Variants in KIAA1958 observed in about 807,000 individuals in gnomAD.
The protein encoded by KIAA1958 is uncharacterized protein KIAA1958.
In KIAA1958, 14 loss-of-function variants were observed where a neutral mutation model predicts 47.2. That is an observed-to-expected ratio of 0.30 (90% CI 0.20 to 0.46). The LOEUF is 0.46. Among genes scored for constraint, KIAA1958 ranks in the 20% least tolerant of loss-of-function variants. The pLI is 1.00. For missense variants in KIAA1958, 803 were observed against 909.2 expected, an observed-to-expected ratio of 0.88 and a Z score of 1.50; for synonymous variants, 354 against 353.3, an observed-to-expected ratio of 1.00 and a Z score of -0.02.
Position 112,660,189 on chromosome 9 carries a change from C to T in KIAA1958, c.*120C>T. 1.3e-6 allele frequency: 1 copy of T among 790,772 alleles called. No homozygotes were observed. The highest frequency in any genetic ancestry group is 2.6e-5 in the East Asian group (1 of 39,086). The allele number at this position is 790,772 out of a possible 1,614,324, so 49.0% of individuals were successfully genotyped here. On this transcript the variant is annotated 3_prime_UTR_variant, in exon 4 of 4. Transcript: ENST00000337530. ...GTGACCTCCCGGTCTGGCGGCTCTC[C>T]CCTGGTGTGGCCTGCCCTCCCTTTG...
chr9:112,510,671 A>G (rs576346214), intron 1 of KIAA1958, among the ~76,000 whole-genome samples: 1 of 152,252 alleles, frequency 6.6e-6, no homozygotes, highest in Non-Finnish European at 1.5e-5. Flanking sequence ...CAAATTCTCC[A>G]TGTAGCTAAA....
At chr9:112,590,057 A>G (rs1176859109) in intron 2 of KIAA1958, among the ~76,000 whole-genome samples, 2 of 152,162 alleles carry the variant, frequency 1.3e-5, no homozygotes, top group African/African-American at 4.8e-5. Flanking sequence ...CAGCCCCTGC[A>G]TAGTGTGATG....
intron 1 of KIAA1958, among the ~76,000 whole-genome samples, chr9:112,505,376 G>GTA (rs1834216184): frequency 6.6e-6 from 1 of 152,190 alleles, no homozygotes; most frequent in Non-Finnish European, 1.5e-5. Flanking sequence ...ATAATACTAA[G>GTA]TATATAGCCC....
intron 1 of KIAA1958, among the ~76,000 whole-genome samples, chr9:112,516,888 G>A (rs1325297668): frequency 9.2e-5 from 14 of 152,234 alleles, no homozygotes; most frequent in Admixed American, 1.3e-4. Context: ...AAGATTTATG[G>A]ACAGAAAAAG....
intron 2 of KIAA1958, among the ~76,000 whole-genome samples, chr9:112,578,972 T>C (rs2131178855): frequency 6.6e-6 from 1 of 152,146 alleles, no homozygotes; most frequent in Non-Finnish European, 1.5e-5. Flanking sequence ...TTTTCCCAGT[T>C]CTGTGGTATA....
At position 112,664,518 on chromosome 9, in the gene KIAA1958, CAGATA is replaced by C. The variant is rs1232295195; in HGVS notation, c.*4452_*4456del. 4 of 152,186 alleles carry C rather than the reference CAGATA, an allele frequency of 2.6e-5. No individual in the cohort carries two copies. The highest frequency in any genetic ancestry group is 4.4e-5 in the Non-Finnish European group (3 of 68,040). The allele number at this position is 152,186 out of a possible 1,614,324, so 9.4% of individuals were successfully genotyped here. Reference sequence around the variant, plus strand: ...CTCTACATGATCTCCAATGTAGTCTCAGATAAGGCCCATACATAGTTAAAAGCTGG... The same window carrying C: ...CTCTACATGATCTCCAATGTAGTCTCAGGCCCATACATAGTTAAAAGCTGG... On this transcript the variant is annotated 3_prime_UTR_variant, in exon 4 of 4. Transcript: ENST00000337530.
intron 2 of KIAA1958, among the ~76,000 whole-genome samples, chr9:112,609,462 TTA>T (rs1221275374): frequency 1.3e-5 from 2 of 152,158 alleles, no homozygotes; most frequent in Admixed American, 1.3e-4. Flanking sequence ...TAAGGTGAAG[TTA>T]TGTGACTAGA....
chr9:112,652,711 C>T (rs116710741), intron 3 of KIAA1958, among the ~76,000 whole-genome samples: 1,685 of 152,224 alleles, frequency 0.011, 25 homozygotes, highest in African/African-American at 0.039. Flanking sequence ...CCTCTACCTC[C>T]GGGGTTCAAG....
chr9:112,659,176 A>G (rs1003422628), intron 3 of KIAA1958, 87 bp from the exon 4 acceptor site: 1 of 1,113,588 alleles, frequency 9.0e-7, no homozygotes, highest in Admixed American at 2.0e-5. Flanking sequence ...AATGTCCTCA[A>G]CACAGCCCCT....
chr9:112,604,734 TC>T (rs1215238205), intron 2 of KIAA1958, among the ~76,000 whole-genome samples: 17 of 152,132 alleles, frequency 1.1e-4, no homozygotes, highest in South Asian at 1.0e-3. Context: ...GTTCTCCCCT[TC>T]TTATCATACT....
At chr9:112,645,978 G>C (rs572662468) in intron 3 of KIAA1958, among the ~76,000 whole-genome samples, 156 bp downstream of exon 3, 1 of 152,062 alleles carries the variant, frequency 6.6e-6, no homozygotes, top group Non-Finnish European at 1.5e-5. Flanking sequence ...ACACAAAGCA[G>C]AATTTAACAA....
chr9:112,546,519 C>T (rs1009443215), intron 1 of KIAA1958, among the ~76,000 whole-genome samples: 1 of 151,998 alleles, frequency 6.6e-6, no homozygotes, highest in African/African-American at 2.4e-5. Flanking sequence ...CTCTGTTGCC[C>T]AGGCTGGAGT....
At position 112,645,528 on chromosome 9, in the gene KIAA1958, A is replaced by G. The variant is rs568317209; in HGVS notation, c.1172-122A>G. 2.6e-5 allele frequency: 17 copies of G among 642,886 alleles called. No homozygotes were observed. In the South Asian group the frequency reaches 2.9e-4, roughly 11 times the overall value. 39.8% of individuals were successfully genotyped at this position (642,886 alleles called of 1,614,324 possible). A position where few individuals can be genotyped will look rare whatever the true frequency, so the allele number is the denominator to read the frequency against. ...GATATAGATATACATATACTTTAATAGACATTTCATGTTTTAAAGTGTTGT... is the reference window on the plus strand; with the variant it reads ...GATATAGATATACATATACTTTAATGGACATTTCATGTTTTAAAGTGTTGT... On this transcript the variant is annotated intron_variant, in intron 2 of 3. Coordinates refer to ENST00000337530, the MANE Select transcript of KIAA1958 (RefSeq NM_133465.4).
At position 112,618,417 on chromosome 9, in the gene KIAA1958, G is replaced by A. The variant is rs1469300646; in HGVS notation, c.1172-27233G>A. The A allele has an allele frequency of 5.2e-6, 8 of 1,551,076 alleles. No homozygotes were observed. Among genetic ancestry groups the A allele is most frequent in the African/African-American group, 2.7e-5 (2 of 73,024 alleles). ...TTAAAATGGGGTGATATCCGGCTCC[G>A]GGTAACAGAGACGGGTCTCGAGTAC... is the stretch of plus-strand genomic sequence containing the variant. On this transcript the variant is annotated intron_variant, in intron 2 of 3. Coordinates refer to ENST00000337530, the MANE Select transcript of KIAA1958 (RefSeq NM_133465.4). The surrounding 1 kb of genome is among the most constrained non-coding windows in gnomAD (Gnocchi z 7.1).
At chr9:112,659,019 CAAAAAAAAA>C (rs560013892) in intron 3 of KIAA1958, among the ~76,000 whole-genome samples, 4 of 57,762 alleles carry the variant, frequency 6.9e-5, no homozygotes, top group Admixed American at 2.1e-4. Context: ...GACTCTGACT[CAAAAAAAAA>C]AAAAAAAAAA....
intron 1 of KIAA1958, among the ~76,000 whole-genome samples, chr9:112,536,496 T>C (rs924056318): frequency 2.6e-5 from 4 of 152,162 alleles, no homozygotes; most frequent in African/African-American, 9.7e-5. Flanking sequence ...TTAAGTTGTA[T>C]AATTAAAAAG....
At chr9:112,622,989 C>T (rs546510711) in intron 2 of KIAA1958, among the ~76,000 whole-genome samples, 5 of 152,296 alleles carry the variant, frequency 3.3e-5, no homozygotes, top group Admixed American at 2.0e-4. Context: ...AAACTCTATG[C>T]TAATACTATT....
intron 1 of KIAA1958, among the ~76,000 whole-genome samples, chr9:112,552,500 T>C (rs1835168318): frequency 6.6e-6 from 1 of 152,232 alleles, no homozygotes; most frequent in South Asian, 2.1e-4. Context: ...AGGGTCATTA[T>C]AAGAGGCAGT....
intron 1 of KIAA1958, among the ~76,000 whole-genome samples, chr9:112,571,868 GAACA>G (rs1367388054): frequency 7.2e-6 from 1 of 139,576 alleles, no homozygotes; most frequent in Non-Finnish European, 1.6e-5. Context: ...AAAAAGTTCA[GAACA>G]AACACACAAA....
Sources: allele counts gnomAD v4.1 joint callset (sites outside exome capture counted in the v4.1 genomes callset), GRCh38; gene constraint gnomAD v4.1.1; non-coding constraint Gnocchi (gnomAD v3.1); transcripts MANE v1.5; gene names NCBI Gene and HGNC (gene_info 2026-07-23, HGNC 2026-07-21).